The following ZNF185 variants were observed in gnomAD, a reference collection of about 807,000 sequenced individuals.
ZNF185 encodes zinc finger protein 185 with LIM domain, also known as zinc finger protein 185.
In ZNF185, 56 loss-of-function variants were observed where a neutral mutation model predicts 58.6. The observed-to-expected ratio is 0.95, with a 90% CI of 0.77 to 1.19. The LOEUF (loss-of-function observed/expected upper bound fraction) is 1.19. Ranked by LOEUF, ZNF185 falls within the 50% of genes most tolerant of loss-of-function variation. The probability of loss-of-function intolerance (pLI) is 0.00; values close to 1 mark genes in which losing one functional copy is unlikely to be tolerated. For synonymous variants in ZNF185, 230 were observed against 215.9 expected (o/e 1.07, Z -0.57); for missense variants, 627 against 573.5 (o/e 1.09, Z -0.95).
exon 23 of ZNF185, chrX:152,972,460 C>G (rs1046817914): frequency 9.1e-6 from 1 of 110,304 alleles, no homozygotes; most frequent in East Asian, 2.9e-4. Context: ...ATCCCCCCCC[C>G]CATGAAGTAC....
intron 14 of ZNF185, among the ~76,000 whole-genome samples, chrX:152,934,917 G>A (rs1022958422): frequency 9.0e-6 from 1 of 111,633 alleles, no homozygotes; most frequent in Non-Finnish European, 1.9e-5. Context: ...TCAACCTCTG[G>A]GGCTCAAGGG....
At chrX:152,954,134 T>G (rs1352549484) in intron 16 of ZNF185, among the ~76,000 whole-genome samples, 1 of 99,774 alleles carries the variant, frequency 1.0e-5, no homozygotes, top group Non-Finnish European at 2.0e-5. Context: ...CATCACAAAA[T>G]AATAAAAAAA....
chrX:152,943,354 G>C (rs782201761), intron 15 of ZNF185, among the ~76,000 whole-genome samples: 4 of 109,525 alleles, frequency 3.7e-5, no homozygotes, highest in Non-Finnish European at 5.8e-5. Flanking sequence ...GTTAGGAGTT[G>C]ACAGTGGCTG....
chrX:152,969,129 C>T (rs2050418636), intron 20 of ZNF185, among the ~76,000 whole-genome samples: 2 of 112,182 alleles, frequency 1.8e-5, no homozygotes. Context: ...CATATCAGGA[C>T]ATCTACAGGA....
upstream of ZNF185, among the ~76,000 whole-genome samples, chrX:152,909,530 C>G (rs1478271499): frequency 8.9e-6 from 1 of 112,282 alleles, no homozygotes; most frequent in Admixed American, 9.4e-5. Flanking sequence ...CCTGTCCCGT[C>G]ATCTCTTCCC....
intron 11 of ZNF185, among the ~76,000 whole-genome samples, chrX:152,924,199 C>T (rs1243313938): frequency 9.0e-6 from 1 of 111,730 alleles, no homozygotes; most frequent in Non-Finnish European, 1.9e-5. Flanking sequence ...ACTGCAGCCT[C>T]GACCTTCCAG....
chrX:152,925,934 GC>G (rs1556872407), intron 11 of ZNF185, among the ~76,000 whole-genome samples: 1 of 111,905 alleles, frequency 8.9e-6, no homozygotes, highest in African/African-American at 3.2e-5. Flanking sequence ...CATAACTCTT[GC>G]CCCCCTTGCA....
upstream of ZNF185, among the ~76,000 whole-genome samples, chrX:152,910,042 G>A (rs1303793936): frequency 9.1e-6 from 1 of 109,976 alleles, no homozygotes; most frequent in Non-Finnish European, 1.9e-5. Context: ...CAAGTAGCTG[G>A]TATTACAGGC....
At chrX:152,924,994 T>C (rs1489910324) in intron 11 of ZNF185, among the ~76,000 whole-genome samples, 2 of 111,890 alleles carry the variant, frequency 1.8e-5, no homozygotes, top group Admixed American at 1.9e-4. Flanking sequence ...AGGTGCCTTT[T>C]AGAAGATAAT....
the ZNF185 span, among the ~76,000 whole-genome samples, chrX:152,898,604 C>T: frequency 8.9e-6 from 1 of 112,393 alleles, no homozygotes; most frequent in African/African-American, 3.2e-5. Flanking sequence ...TCATATCCCT[C>T]CGTCCCCCTG....
intron 14 of ZNF185, among the ~76,000 whole-genome samples, chrX:152,937,017 G>A (rs1418022626): frequency 1.8e-5 from 2 of 112,052 alleles, no homozygotes; most frequent in African/African-American, 6.5e-5. Flanking sequence ...GTAAGCGTCT[G>A]CCCTGTTTCA....
intron 13 of ZNF185, 71 bp from the exon 15 acceptor site, chrX:152,932,802 T>C: frequency 3.8e-6 from 3 of 785,965 alleles, no homozygotes; most frequent in Non-Finnish European, 5.7e-6. Flanking sequence ...TGAGGCCCAC[T>C]CTCATGGCAT....
At chrX:152,958,014 G>T (rs1244398015) in intron 16 of ZNF185, among the ~76,000 whole-genome samples, 1 of 111,738 alleles carries the variant, frequency 8.9e-6, no homozygotes, top group Non-Finnish European at 1.9e-5. Context: ...CTGCACCATT[G>T]CCCCGGGAGC....
At chrX:152,915,784 G>C (rs1055530847) in intron 3 of ZNF185, among the ~76,000 whole-genome samples, 2 of 112,409 alleles carry the variant, frequency 1.8e-5, no homozygotes, top group African/African-American at 6.5e-5. Context: ...GCTCTGAAGC[G>C]TGGGCACACC....
the ZNF185 span, among the ~76,000 whole-genome samples, chrX:152,903,735 C>T: frequency 8.9e-4 from 99 of 111,733 alleles, no homozygotes; most frequent in Admixed American, 3.7e-3. Context: ...GTTCCCTGAA[C>T]GGTCGCTTGT....
chrX:152,931,306 C>T (rs1941933359), intron 12 of ZNF185, among the ~76,000 whole-genome samples: 1 of 112,714 alleles, frequency 8.9e-6, no homozygotes, highest in Admixed American at 9.3e-5. Flanking sequence ...CAGCATCTTG[C>T]TGTGTGTGCC....
chrX:152,953,732 CTTTTA>C lies in ZNF185; in HGVS notation c.1410-5949_1410-5945del, dbSNP rs781903061. 1.3e-4 allele frequency among the ~76,000 whole-genome samples: 14 copies of C among 111,371 alleles called. 1 individual carries two copies. Among genetic ancestry groups the C allele is most frequent in the South Asian group, 7.6e-4 (2 of 2,626 alleles). On this transcript the variant is annotated intron_variant, in intron 16 of 22. Transcript: ENST00000449285. Reference sequence around the variant, plus strand: ...AAACAAATATGGATTTAGATAGAGACTTTTATTTTATTTTATTTTATTATTTTTGA... The same window carrying C: ...AAACAAATATGGATTTAGATAGAGACTTTTATTTTATTTTATTATTTTTGA...
At chrX:152,935,805 G>C (rs1228747278) in intron 14 of ZNF185, among the ~76,000 whole-genome samples, 2 of 112,017 alleles carry the variant, frequency 1.8e-5, no homozygotes, top group African/African-American at 3.3e-5. Flanking sequence ...TGAGTGTGCT[G>C]GTTAGTGGAG....
intron 17 of ZNF185, 29 bp from the exon 20 acceptor site, chrX:152,963,810 G>A (rs782752990): frequency 5.0e-6 from 6 of 1,188,862 alleles, no homozygotes; most frequent in East Asian, 6.0e-5. Flanking sequence ...CCAGGTTGAC[G>A]TGCCCACCCC....
Sources: gnomAD v4.1 joint callset for allele counts (sites outside exome capture counted in the v4.1 genomes callset) on GRCh38, gnomAD v4.1.1 for gene constraint, MANE v1.5 for transcripts, NCBI Gene and HGNC (gene_info 2026-07-23, HGNC 2026-07-21) for gene names.